Variants in EFNA5 observed in about 807,000 individuals in gnomAD.
The protein encoded by EFNA5 is ephrin-A5.
A neutral mutation model predicts 22.9 loss-of-function variants in EFNA5; 5 were observed. The observed-to-expected ratio is 0.22, with a 90% confidence interval of 0.11 to 0.46. The LOEUF (loss-of-function observed/expected upper bound fraction) is 0.46, where lower values mean the gene tolerates loss of function less well. EFNA5 is among the 20% of genes least tolerant of loss of function. EFNA5 has a pLI of 0.99. For synonymous variants in EFNA5, 113 were observed against 112.2 expected (o/e 1.01, Z -0.04); for missense variants, 237 against 293.3 (o/e 0.81, Z 1.40).
chr5:107,480,788 C>T (rs1486963171), intron 1 of EFNA5, among the ~76,000 whole-genome samples: 1 of 152,148 alleles, frequency 6.6e-6, no homozygotes, highest in Non-Finnish European at 1.5e-5. Context: ...TGTCCAAAGG[C>T]CTTGTACTGG....
At chr5:107,539,165 G>C (rs1747992756) in intron 1 of EFNA5, among the ~76,000 whole-genome samples, 2 of 152,228 alleles carry the variant, frequency 1.3e-5, no homozygotes, top group African/African-American at 2.4e-5. Flanking sequence ...TTCTCAGAAA[G>C]ATAATCATGC....
At chr5:107,532,113 G>A (rs1422459747) in intron 1 of EFNA5, among the ~76,000 whole-genome samples, 2 of 152,172 alleles carry the variant, frequency 1.3e-5, no homozygotes, top group African/African-American at 4.8e-5. Flanking sequence ...AAATGGGAAC[G>A]GCTTTGTTTT....
intron 1 of EFNA5, among the ~76,000 whole-genome samples, chr5:107,521,671 T>A (rs1172167274): frequency 6.6e-6 from 1 of 151,994 alleles, no homozygotes; most frequent in African/African-American, 2.4e-5. Context: ...CTGCCCAGCT[T>A]CGTGACAGAT....
At chr5:107,456,710 T>G (rs1749707512) in intron 1 of EFNA5, among the ~76,000 whole-genome samples, 1 of 152,180 alleles carries the variant, frequency 6.6e-6, no homozygotes, top group South Asian at 2.1e-4. Flanking sequence ...ATGGGGCTGA[T>G]CTATACCCTT....
chr5:107,573,536 T>C (rs1204863550), intron 1 of EFNA5, among the ~76,000 whole-genome samples: 1 of 151,962 alleles, frequency 6.6e-6, no homozygotes, highest in Non-Finnish European at 1.5e-5. Context: ...TTGTAGTCAT[T>C]CTTTTATTTA....
intron 2 of EFNA5, among the ~76,000 whole-genome samples, chr5:107,397,291 C>A (rs188922370): frequency 3.0e-4 from 45 of 152,250 alleles, no homozygotes; most frequent in Admixed American, 2.6e-3. Context: ...TGGCTCATGC[C>A]TGTAATCCCA....
intron 1 of EFNA5, among the ~76,000 whole-genome samples, chr5:107,641,219 A>G (rs1750502502): frequency 6.6e-6 from 1 of 151,964 alleles, no homozygotes; most frequent in African/African-American, 2.4e-5. Context: ...TTAGCTGGGC[A>G]TGGTGGTACG....
chr5:107,517,266 C>T (rs1249498642), intron 1 of EFNA5, among the ~76,000 whole-genome samples: 1 of 152,070 alleles, frequency 6.6e-6, no homozygotes, highest in Non-Finnish European at 1.5e-5. Context: ...CAGTATTCAT[C>T]ATGCAAATTA....
rs1401081435 is a variant in EFNA5 at position 107,670,342 on chromosome 5, C to G, written c.125+147G>C. On this transcript the variant is annotated intron_variant, in intron 1 of 4. Coordinates refer to ENST00000333274, the MANE Select transcript of EFNA5 (RefSeq NM_001962.3). Reference sequence around the variant, plus strand: ...GGGGCGCGACGCGAGCGCTTCCCGCCGACGCCTCAAGCCATCAGCGCCCGG... The same window carrying G: ...GGGGCGCGACGCGAGCGCTTCCCGCGGACGCCTCAAGCCATCAGCGCCCGG... The G allele has an allele frequency of 1.1e-5, 12 of 1,071,532 alleles. 1 individual carries two copies. The highest frequency in any genetic ancestry group is 3.2e-5 in the East Asian group (1 of 31,152). 66.4% of individuals were successfully genotyped at this position (1,071,532 alleles called of 1,614,324 possible).
At chr5:107,637,613 C>T (rs935441892) in intron 1 of EFNA5, among the ~76,000 whole-genome samples, 1 of 147,842 alleles carries the variant, frequency 6.8e-6, no homozygotes, top group African/African-American at 2.5e-5. Flanking sequence ...TGAAATTTTT[C>T]AAAATAAAAG....
At chr5:107,419,984 G>C (rs1227580844) in intron 2 of EFNA5, among the ~76,000 whole-genome samples, 1 of 152,142 alleles carries the variant, frequency 6.6e-6, no homozygotes, top group Non-Finnish European at 1.5e-5. Flanking sequence ...ACTACCTCCT[G>C]CTTTGATAAT....
chr5:107,468,463 G>T (rs1750052785), intron 1 of EFNA5, among the ~76,000 whole-genome samples: 2 of 152,180 alleles, frequency 1.3e-5, no homozygotes, highest in African/African-American at 2.4e-5. Flanking sequence ...AACTTGATAA[G>T]AAATCAAGCT....
chr5:107,491,957 C>T (rs977002695), intron 1 of EFNA5, among the ~76,000 whole-genome samples: 1 of 152,150 alleles, frequency 6.6e-6, no homozygotes, highest in Non-Finnish European at 1.5e-5. Flanking sequence ...GCTTCAGCCT[C>T]CCGAGTAGCT....
intron 1 of EFNA5, among the ~76,000 whole-genome samples, chr5:107,468,766 A>C (rs1282471729): frequency 6.6e-6 from 1 of 151,682 alleles, no homozygotes; most frequent in Non-Finnish European, 1.5e-5. Context: ...CATCAGCTAC[A>C]TGTGATGTAG....
chr5:107,583,386 ATAG>A (rs1391244348), intron 1 of EFNA5, among the ~76,000 whole-genome samples: 2 of 152,232 alleles, frequency 1.3e-5, no homozygotes, highest in East Asian at 1.9e-4. Flanking sequence ...GTTTAATGGC[ATAG>A]TAATAATTTG....
At chr5:107,381,790 T>C (rs1368475193) in intron 4 of EFNA5, among the ~76,000 whole-genome samples, 2 of 152,170 alleles carry the variant, frequency 1.3e-5, no homozygotes, top group Non-Finnish European at 2.9e-5. Flanking sequence ...ACAGTAGTGG[T>C]TAACCAGAAT....
chr5:107,502,817 C>A (rs997706576), intron 1 of EFNA5, among the ~76,000 whole-genome samples: 3 of 152,066 alleles, frequency 2.0e-5, no homozygotes, highest in African/African-American at 7.2e-5. Context: ...GATTGAAAGG[C>A]GGGAAGGACT....
intron 1 of EFNA5, among the ~76,000 whole-genome samples, chr5:107,449,514 C>T (rs1023757312): frequency 6.6e-6 from 1 of 151,124 alleles, no homozygotes; most frequent in Non-Finnish European, 1.5e-5. Flanking sequence ...TCCCTCCCCG[C>T]CCCCCCAACT....
chr5:107,658,513 A>G (rs1206494154), intron 1 of EFNA5, among the ~76,000 whole-genome samples: 1 of 152,228 alleles, frequency 6.6e-6, no homozygotes, highest in African/African-American at 2.4e-5. Flanking sequence ...GAAAGTGGTT[A>G]GAAAGGAACA....
Sources: allele counts gnomAD v4.1 joint callset (sites outside exome capture counted in the v4.1 genomes callset), GRCh38; gene constraint gnomAD v4.1.1; transcripts MANE v1.5; gene names NCBI Gene and HGNC (gene_info 2026-07-23, HGNC 2026-07-21).